Variants in DIAPH2 observed in about 807,000 individuals in gnomAD.
The protein encoded by DIAPH2 is protein diaphanous homolog 2.
DIAPH2 carries 35 observed loss-of-function variants against 92.7 expected under a neutral mutation model. That is an observed-to-expected ratio of 0.38 (90% CI 0.29 to 0.50). The LOEUF is 0.50. DIAPH2 is among the 20% of genes least tolerant of loss of function. The probability of loss-of-function intolerance (pLI) is 0.94; values close to 1 mark genes in which losing one functional copy is unlikely to be tolerated. For missense variants in DIAPH2, 701 were observed against 819.5 expected, an observed-to-expected ratio of 0.86 and a Z score of 1.77; for synonymous variants, 301 against 280.4, an observed-to-expected ratio of 1.07 and a Z score of -0.73.
chrX:97,439,991 T>C (rs1399846301), intron 26 of DIAPH2, among the ~76,000 whole-genome samples: 2 of 111,005 alleles, frequency 1.8e-5, no homozygotes, highest in Non-Finnish European at 3.8e-5. Flanking sequence ...ATCCAGGTGA[T>C]AGTTAATAAC....
rs536082290 is a variant in DIAPH2, at chrX:97,118,610, A to G, written c.2589+3645A>G. On this transcript the variant is annotated intron_variant, in intron 21 of 26. Transcript: ENST00000324765. ...ACAGAAACCTCAAGAAGCTTGTGGT[A>G]CAGTTGAGCAGCCAGGAAATATACA... Among the ~76,000 whole-genome samples, 4 of 112,243 alleles carry G rather than the reference A, an allele frequency of 3.6e-5. No individual in the cohort carries two copies. The East Asian group carries it at 8.4e-4, about 24-fold the overall frequency.
At chrX:97,111,869 AC>A (rs763879269) in intron 20 of DIAPH2, among the ~76,000 whole-genome samples, 63 of 112,067 alleles carry the variant, frequency 5.6e-4, no homozygotes, top group African/African-American at 1.9e-3. Flanking sequence ...TATTTGTTTC[AC>A]TTTTCTCATC....
At chrX:97,237,989 G>A (rs1332974622) in intron 22 of DIAPH2, among the ~76,000 whole-genome samples, 1 of 111,573 alleles carries the variant, frequency 9.0e-6, no homozygotes, top group Non-Finnish European at 1.9e-5. Flanking sequence ...GTCAAGAAAG[G>A]TAGGAGATTT....
At position 97,003,527 on chromosome X, in the gene DIAPH2, G is replaced by C. The variant is rs2066159116; in HGVS notation, c.2050+38320G>C. ...TGGGGTATGATAATATCTGATTATA[G>C]TTTTGATTGGCATTTCTCCGATGAT... On this transcript the variant is annotated intron_variant, in intron 17 of 26. Coordinates refer to ENST00000324765, the MANE Select transcript of DIAPH2 (RefSeq NM_006729.5). 1.8e-5 allele frequency among the ~76,000 whole-genome samples: 2 copies of C among 112,133 alleles called. 1 individual carries two copies. Among genetic ancestry groups the C allele is most frequent in the South Asian group, 7.4e-4 (2 of 2,721 alleles).
chrX:97,065,159 C>A (rs2066625826), intron 17 of DIAPH2, among the ~76,000 whole-genome samples: 2 of 111,555 alleles, frequency 1.8e-5, no homozygotes, highest in Admixed American at 1.9e-4. Context: ...GATTGCTGGA[C>A]TCACTGATTC....
chrX:97,345,165 G>A (rs2069146041), intron 23 of DIAPH2, among the ~76,000 whole-genome samples: 1 of 111,831 alleles, frequency 8.9e-6, no homozygotes, highest in East Asian at 2.8e-4. Flanking sequence ...AGCATTACGT[G>A]TACCCTTCCA....
chrX:97,226,337 CGTTTTTT>C (rs200517104), intron 22 of DIAPH2, among the ~76,000 whole-genome samples: 56 of 110,236 alleles, frequency 5.1e-4, no homozygotes, highest in South Asian at 2.3e-3. Flanking sequence ...AATGAGTATA[CGTTTTTT>C]GTTTTTTGTT....
At chrX:96,877,202 G>A (rs1324016372) in intron 4 of DIAPH2, among the ~76,000 whole-genome samples, 1 of 111,204 alleles carries the variant, frequency 9.0e-6, no homozygotes, top group Non-Finnish European at 1.9e-5. Flanking sequence ...GGAACTGATG[G>A]TGATGAAAAT....
chrX:97,154,781 T>C (rs1360841519), intron 22 of DIAPH2, among the ~76,000 whole-genome samples: 1 of 112,427 alleles, frequency 8.9e-6, no homozygotes, highest in Non-Finnish European at 1.9e-5. Context: ...TCTTCAGTTA[T>C]CTATTCTCTG....
intron 4 of DIAPH2, among the ~76,000 whole-genome samples, chrX:96,796,669 A>G (rs1480062369): frequency 9.0e-6 from 1 of 111,715 alleles, no homozygotes. Flanking sequence ...GTCTAGCTTT[A>G]TATAGTATTG....
intron 17 of DIAPH2, among the ~76,000 whole-genome samples, chrX:97,058,061 CTT>C (rs886197543): frequency 1.4e-4 from 15 of 110,937 alleles, no homozygotes; most frequent in African/African-American, 4.9e-4. Flanking sequence ...TTCCAGGAAG[CTT>C]TGGGTCATTG....
At chrX:97,291,694 G>A (rs758582338) in intron 23 of DIAPH2, among the ~76,000 whole-genome samples, 77 of 109,577 alleles carry the variant, frequency 7.0e-4, no homozygotes, top group Admixed American at 2.1e-3. Flanking sequence ...CACATCTCCC[G>A]GCTAATTTTT....
At chrX:97,281,527 G>A (rs764823748) in intron 23 of DIAPH2, among the ~76,000 whole-genome samples, 1 of 111,009 alleles carries the variant, frequency 9.0e-6, no homozygotes, top group East Asian at 2.8e-4. Flanking sequence ...GGTGGATCAC[G>A]AGGTCAGGAG....
chrX:97,075,433 A>G (rs1275944024), intron 19 of DIAPH2, among the ~76,000 whole-genome samples, 172 bp downstream of exon 19: 1 of 112,153 alleles, frequency 8.9e-6, no homozygotes, highest in Non-Finnish European at 1.9e-5. Flanking sequence ...GGGACTCAGT[A>G]TAGAAAATCT....
intron 3 of DIAPH2, among the ~76,000 whole-genome samples, chrX:96,743,051 A>G (rs1226115026): frequency 1.8e-5 from 2 of 112,340 alleles, no homozygotes; most frequent in Non-Finnish European, 3.8e-5. Flanking sequence ...TGGTTTGAAT[A>G]TCATAATGTT....
intron 17 of DIAPH2, among the ~76,000 whole-genome samples, chrX:97,055,087 G>A (rs2066547438): frequency 1.1e-5 from 1 of 94,501 alleles, no homozygotes; most frequent in South Asian, 6.1e-4. Flanking sequence ...GCCATACCTG[G>A]CTAGTTTAAT....
intron 5 of DIAPH2, among the ~76,000 whole-genome samples, chrX:96,888,578 T>TATCTATATAC (rs1279139992): frequency 3.1e-5 from 3 of 97,046 alleles, no homozygotes; most frequent in African/African-American, 1.2e-4. Context: ...CAGATATATA[T>TATCTATATAC]ATCTATATAT....
chrX:97,022,078 G>T (rs2066302245), intron 17 of DIAPH2, among the ~76,000 whole-genome samples: 1 of 111,867 alleles, frequency 8.9e-6, no homozygotes, highest in African/African-American at 3.3e-5. Context: ...TAGAGAGTAG[G>T]ATCTATTACT....
chrX:97,559,114 C>A (rs766726370), intron 26 of DIAPH2, among the ~76,000 whole-genome samples: 1 of 112,105 alleles, frequency 8.9e-6, no homozygotes, highest in Non-Finnish European at 1.9e-5. Flanking sequence ...TTCTGATTTT[C>A]TGTAATAAGT....
Sources: allele counts gnomAD v4.1 joint callset (sites outside exome capture counted in the v4.1 genomes callset), GRCh38; gene constraint gnomAD v4.1.1; transcripts MANE v1.5; gene names NCBI Gene and HGNC (gene_info 2026-07-23, HGNC 2026-07-21).